KALRN: variants seen among roughly 807,000 people sequenced by gnomAD.
KALRN encodes the protein kalirin.
Under a neutral mutation model 353.7 loss-of-function variants are expected in KALRN, and 70 were observed. The ratio of observed to expected loss-of-function variants is 0.20; its 90% CI spans 0.16 to 0.24. The LOEUF (loss-of-function observed/expected upper bound fraction) is 0.24. Among genes scored for constraint, KALRN ranks in the 10% least tolerant of loss-of-function variants. The pLI, the probability that KALRN is intolerant of heterozygous loss-of-function variation, is 1.00. For missense variants in KALRN, 2,791 were observed against 3,756.7 expected, an observed-to-expected ratio of 0.74 and a Z score of 6.72; for synonymous variants, 1,391 against 1,434.8, an observed-to-expected ratio of 0.97 and a Z score of 0.69.
At chr3:124,605,736 A>C (rs1561403363) in intron 34 of KALRN, among the ~76,000 whole-genome samples, 1 of 152,138 alleles carries the variant, frequency 6.6e-6, no homozygotes, top group Non-Finnish European at 1.5e-5. Flanking sequence ...ATAGAGCTTT[A>C]GTACTGTAGG....
intron 13 of KALRN, among the ~76,000 whole-genome samples, chr3:124,406,859 T>C (rs1241412579): frequency 8.4e-6 from 1 of 118,838 alleles, no homozygotes; most frequent in African/African-American, 3.3e-5. Context: ...TGAGACAGGG[T>C]CTCACTCTGT....
At chr3:124,419,140 T>G (rs1287305233) in intron 14 of KALRN, among the ~76,000 whole-genome samples, 5 of 151,846 alleles carry the variant, frequency 3.3e-5, no homozygotes, top group African/African-American at 1.2e-4. Context: ...CTAACAGCAT[T>G]AAAGCCACCA....
chr3:124,365,435 C>G (rs2084559082), intron 10 of KALRN, among the ~76,000 whole-genome samples: 1 of 152,154 alleles, frequency 6.6e-6, no homozygotes, highest in African/African-American at 2.4e-5. Flanking sequence ...GCCTAATCAG[C>G]TACTATACAG....
intron 18 of KALRN, among the ~76,000 whole-genome samples, chr3:124,440,111 G>A (rs912944763): frequency 1.3e-5 from 2 of 151,848 alleles, no homozygotes; most frequent in Non-Finnish European, 2.9e-5. Context: ...ACCTATATGG[G>A]TCAGAACCTC....
Position 124,341,857 on chromosome 3 carries a change from A to G in KALRN, c.1648-5286A>G, listed in dbSNP as rs182882576. 4.1e-4 allele frequency among the ~76,000 whole-genome samples: 62 copies of G among 152,324 alleles called. 3 individuals are homozygous for G. The highest frequency in any genetic ancestry group is 2.9e-3 in the East Asian group (15 of 5,180). ...AACGAGTTAAGGCTTTCCATAGCCA[A>G]TGATTTTGAGGCAGAGCTTAAAGGA... On this transcript the variant is annotated intron_variant, in intron 9 of 59. Coordinates refer to ENST00000682506, the MANE Select transcript of KALRN (RefSeq NM_001388419.1).
intron 34 of KALRN, among the ~76,000 whole-genome samples, chr3:124,616,222 T>G (rs2078574751): frequency 2.0e-5 from 3 of 152,176 alleles, no homozygotes; most frequent in Non-Finnish European, 4.4e-5. Context: ...TCTTAAACTT[T>G]CCAGAGCCAC....
intron 4 of KALRN, among the ~76,000 whole-genome samples, chr3:124,265,809 G>C (rs2073457314): frequency 2.6e-5 from 4 of 152,120 alleles, no homozygotes; most frequent in Non-Finnish European, 5.9e-5. Flanking sequence ...GACTGTTGGT[G>C]ACATTAATCC....
At chr3:124,481,983 T>C (rs925127590) in intron 27 of KALRN, among the ~76,000 whole-genome samples, 2 of 152,256 alleles carry the variant, frequency 1.3e-5, no homozygotes, top group African/African-American at 4.8e-5. Context: ...TATACCTTTC[T>C]CTGACCCTTA....
intron 1 of KALRN, chr3:124,164,024 C>A: frequency 2.1e-6 from 2 of 969,920 alleles, no homozygotes; most frequent in African/African-American, 1.8e-5. Context: ...CTGCAGAACT[C>A]ACACACTTAA....
intron 58 of KALRN, 133 bp from the exon 59 acceptor site, chr3:124,717,114 T>G (rs1405624211): frequency 5.9e-6 from 4 of 683,756 alleles, no homozygotes; most frequent in Non-Finnish European, 9.4e-6. Flanking sequence ...AATATGCATG[T>G]GTTGCACATT....
chr3:124,343,737 C>G (rs1043328400), intron 9 of KALRN, among the ~76,000 whole-genome samples: 1 of 152,216 alleles, frequency 6.6e-6, no homozygotes, highest in Non-Finnish European at 1.5e-5. Flanking sequence ...AGAGAAGATG[C>G]GTTTGGCTGT....
intron 1 of KALRN, among the ~76,000 whole-genome samples, chr3:124,182,042 A>G (rs1015698333): frequency 6.6e-6 from 1 of 152,230 alleles, no homozygotes; most frequent in Non-Finnish European, 1.5e-5. Context: ...TGAAAATTAT[A>G]TACAAGATAA....
At chr3:124,650,232 C>T (rs2083266522) in intron 37 of KALRN, among the ~76,000 whole-genome samples, 1 of 152,064 alleles carries the variant, frequency 6.6e-6, no homozygotes, top group African/African-American at 2.4e-5. Context: ...AGGGGAAAAC[C>T]CCATCATCAT....
intron 1 of KALRN, among the ~76,000 whole-genome samples, chr3:124,189,412 T>C (rs1383916893): frequency 6.6e-6 from 1 of 152,108 alleles, no homozygotes; most frequent in Non-Finnish European, 1.5e-5. Flanking sequence ...TCCAGGAGTT[T>C]TGAAAAAGGG....
At chr3:124,697,755 T>A in intron 55 of KALRN, 31 bp downstream of exon 55, 1 of 1,479,500 alleles carries the variant, frequency 6.8e-7, no homozygotes, top group Non-Finnish European at 9.0e-7. Flanking sequence ...CTTTTTCTTT[T>A]CTCTTCTTTT....
At chr3:124,467,959 T>C (rs1259408443) in intron 25 of KALRN, among the ~76,000 whole-genome samples, 1 of 151,098 alleles carries the variant, frequency 6.6e-6, no homozygotes, top group Non-Finnish European at 1.5e-5. Flanking sequence ...GTAGGGTAGG[T>C]AGTCAGGCAG....
intron 1 of KALRN, among the ~76,000 whole-genome samples, chr3:124,146,667 C>T (rs1482687791): frequency 2.0e-5 from 3 of 151,942 alleles, no homozygotes; most frequent in African/African-American, 7.3e-5. Context: ...CACTTGAGGC[C>T]AGGAGTTTGA....
At chr3:124,660,353 C>T (rs1473684825) in intron 43 of KALRN, among the ~76,000 whole-genome samples, 1 of 152,122 alleles carries the variant, frequency 6.6e-6, no homozygotes, top group Non-Finnish European at 1.5e-5. Context: ...TTTCCTTTGT[C>T]TTCCCTCCCT....
intron 13 of KALRN, among the ~76,000 whole-genome samples, chr3:124,399,691 A>C (rs1360837622): frequency 2.0e-5 from 3 of 152,200 alleles, no homozygotes; most frequent in Admixed American, 2.0e-4. Context: ...TCTACCTATT[A>C]AGAAAGTAAG....
Sources: allele counts gnomAD v4.1 joint callset (sites outside exome capture counted in the v4.1 genomes callset), GRCh38; gene constraint gnomAD v4.1.1; transcripts MANE v1.5; gene names NCBI Gene and HGNC (gene_info 2026-07-23, HGNC 2026-07-21).